TEKT1: variants seen among roughly 807,000 people sequenced by gnomAD.
The protein encoded by TEKT1 is tektin-1.
In TEKT1, 32 loss-of-function variants were observed where a neutral mutation model predicts 34.8. That is an observed-to-expected ratio of 0.92 (90% CI 0.69 to 1.23). The LOEUF (loss-of-function observed/expected upper bound fraction) is 1.23. Among genes scored for constraint, TEKT1 ranks in the 50% most tolerant of loss-of-function variants. The pLI is 0.00. For missense variants in TEKT1, 492 were observed against 518.5 expected (o/e 0.95, Z 0.50); for synonymous variants, 207 against 199.8 (o/e 1.04, Z -0.30).
rs563402694 is a variant in TEKT1 at position 6,800,009 on chromosome 17, T to C, written c.*18A>G. ...TGTTTACAATGTGGTTTAATGAGAA[T>C]TGGAACTAGCCCTACTATTAGCAGA... On this transcript the variant is annotated 3_prime_UTR_variant, in exon 8 of 8. Coordinates refer to ENST00000338694, the MANE Select transcript of TEKT1 (RefSeq NM_053285.2). 5.6e-6 allele frequency: 9 copies of C among 1,595,996 alleles called. No homozygotes were observed. The highest frequency in any genetic ancestry group is 1.3e-5 in the African/African-American group (1 of 74,872).
At chr17:6,821,341 G>T (rs959269089) in intron 2 of TEKT1, among the ~76,000 whole-genome samples, 1 of 152,164 alleles carries the variant, frequency 6.6e-6, no homozygotes, top group Admixed American at 6.5e-5. Context: ...AGATCTGATA[G>T]TTTTATAAGG....
intron 2 of TEKT1, among the ~76,000 whole-genome samples, chr17:6,829,122 G>A (rs923784632): frequency 2.0e-5 from 3 of 152,332 alleles, no homozygotes; most frequent in Non-Finnish European, 4.4e-5. Context: ...CTGTACTCTG[G>A]CCTGTGTGAT....
chr17:6,815,704 C>T (rs1976995659), intron 4 of TEKT1, 130 bp downstream of exon 4: 18 of 1,398,106 alleles, frequency 1.3e-5, no homozygotes, highest in Non-Finnish European at 1.7e-5. Flanking sequence ...CTGGGGCAAT[C>T]TGGGGACACA....
In TEKT1 at chr17:6,820,166, T is replaced by C. The variant is rs8072221; in HGVS notation, c.191-808A>G. Among the ~76,000 whole-genome samples the C allele has an allele frequency of 7.8e-3, 1,181 of 152,290 alleles. 21 individuals carry two copies. Among genetic ancestry groups the C allele is most frequent in the African/African-American group, 0.027 (1,142 of 41,544 alleles). On this transcript the variant is annotated intron_variant, in intron 2 of 7. Transcript: ENST00000338694. ...TTAAACAATAAATAAGTAAACTTAC[T>C]ATTTATTTACATTTTGTAAATATAT...
intron 6 of TEKT1, among the ~76,000 whole-genome samples, chr17:6,809,432 G>A (rs1976896171): frequency 6.6e-6 from 1 of 152,054 alleles, no homozygotes; most frequent in Non-Finnish European, 1.5e-5. Flanking sequence ...GGGTTTCGCT[G>A]TGTTGGCCAA....
At chr17:6,828,502 C>T (rs1486165505) in intron 2 of TEKT1, among the ~76,000 whole-genome samples, 1 of 152,138 alleles carries the variant, frequency 6.6e-6, no homozygotes, top group South Asian at 2.1e-4. Flanking sequence ...GAATAAATTC[C>T]TGCTTTCCAG....
chr17:6,815,439 C>T (rs1976991653), intron 4 of TEKT1, 133 bp from the exon 5 acceptor site: 1 of 1,043,560 alleles, frequency 9.6e-7, no homozygotes, highest in African/African-American at 1.6e-5. Context: ...CCACCCATCA[C>T]CCCAACACTC....
intron 2 of TEKT1, among the ~76,000 whole-genome samples, chr17:6,823,272 G>A (rs62061691): frequency 0.056 from 8,520 of 152,212 alleles, 293 homozygotes; most frequent in South Asian, 0.084. Context: ...CCAGTTTTGA[G>A]CATTACAAGA....
intron 2 of TEKT1, among the ~76,000 whole-genome samples, chr17:6,822,542 TC>T (rs1367179640): frequency 6.6e-6 from 1 of 152,188 alleles, no homozygotes; most frequent in Non-Finnish European, 1.5e-5. Context: ...TGTCCTTTTT[TC>T]CCACTTTCTG....
intron 7 of TEKT1, 56 bp downstream of exon 7, chr17:6,800,691 A>G (rs1008007340): frequency 1.2e-5 from 18 of 1,552,442 alleles, no homozygotes; most frequent in Non-Finnish European, 1.5e-5. Context: ...CCTCTGCTTG[A>G]TATCCAGGTT....
chr17:6,829,273 C>T lies in TEKT1; in HGVS notation c.190+914G>A, dbSNP rs145557134. Among the ~76,000 whole-genome samples, 696 of 152,276 alleles carry T rather than the reference C, an allele frequency of 4.6e-3. 5 individuals carry two copies. Among genetic ancestry groups the T allele is most frequent in the Non-Finnish European group, 8.2e-3 (560 of 68,018 alleles). On this transcript the variant is annotated intron_variant, in intron 2 of 7. Coordinates refer to ENST00000338694, the MANE Select transcript of TEKT1 (RefSeq NM_053285.2). The stretch of plus-strand genomic sequence containing the variant: ...CCAATTTTTCACATCTACTCCGCCC[C>T]GTCTTTGTTCCCCTACCCCAGCACC...
At chr17:6,809,975 A>G (rs1395270419) in intron 6 of TEKT1, among the ~76,000 whole-genome samples, 5 of 152,236 alleles carry the variant, frequency 3.3e-5, no homozygotes, top group Non-Finnish European at 5.9e-5. Context: ...TTGTATGAAC[A>G]TAAGTTTTCA....
At chr17:6,809,962 T>G (rs1976904385) in intron 6 of TEKT1, among the ~76,000 whole-genome samples, 1 of 152,150 alleles carries the variant, frequency 6.6e-6, no homozygotes, top group Admixed American at 6.5e-5. Flanking sequence ...CATACACAGG[T>G]TTTTGTATGA....
chr17:6,803,601 T>C (rs1976806688), intron 6 of TEKT1, among the ~76,000 whole-genome samples: 1 of 152,234 alleles, frequency 6.6e-6, no homozygotes, highest in Non-Finnish European at 1.5e-5. Context: ...AGGTCTAACA[T>C]GTAAGTCTTT....
Position 6,800,845 on chromosome 17 carries a change from CAAGCGCGTATG to C in TEKT1, c.940_950del (p.His314GlyfsTer14). The C allele has an allele frequency of 6.2e-7, 1 of 1,614,126 alleles. No individual in the cohort carries two copies. The highest frequency in any genetic ancestry group is 8.5e-7 in the Non-Finnish European group (1 of 1,180,016). On this transcript the variant is annotated frameshift_variant, in exon 7 of 8. Coordinates refer to ENST00000338694, the MANE Select transcript of TEKT1 (RefSeq NM_053285.2). LOFTEE classifies it high-confidence loss of function. ...CGTTCGGCCGGTGTGTCCTGGTCTC[CAAGCGCGTATG>C]AGCCACCTTGGCTGGCCCTTCTTGG...
chr17:6,819,264 C>T lies in TEKT1; in HGVS notation c.285G>A (p.Lys95=). The T allele has an allele frequency of 6.2e-7, 1 of 1,614,102 alleles. No homozygotes were observed. The highest frequency in any genetic ancestry group is 8.5e-7 in the Non-Finnish European group (1 of 1,180,002). ...VNVTDDLLIY[K]IRLEKALETL... ...TCTCCAGGGCTTTTTCCAATCTGAT[C>T]TTATATATGAGTAGATCATCAGTTA... Residue 95 remains lysine (K), a synonymous_variant, in exon 3 of 8, where the codon AAG becomes AAA. Transcript: ENST00000338694.
At chr17:6,816,030 G>A (rs1329945252) in intron 3 of TEKT1, 68 bp from the exon 4 acceptor site, 18 of 1,593,068 alleles carry the variant, frequency 1.1e-5, no homozygotes, top group Non-Finnish European at 1.5e-5. Context: ...TTGGCTAATG[G>A]CTGCACACTC....
Position 6,829,169 on chromosome 17 carries a change from C to T in TEKT1, c.190+1018G>A, listed in dbSNP as rs140146916. Among the ~76,000 whole-genome samples, 316 of 152,266 alleles carry T rather than the reference C, an allele frequency of 2.1e-3. 5 individuals are homozygous for T. Among genetic ancestry groups the T allele is most frequent in the African/African-American group, 7.3e-3 (303 of 41,558 alleles). The stretch of plus-strand genomic sequence containing the variant: ...CTGTCTCAAGAAATTTAAGTAAATA[C>T]TGTTTTAAGTAAGGAATTGTCAAGA... On this transcript the variant is annotated intron_variant, in intron 2 of 7. Coordinates refer to ENST00000338694, the MANE Select transcript of TEKT1 (RefSeq NM_053285.2).
intron 2 of TEKT1, among the ~76,000 whole-genome samples, chr17:6,820,231 A>G (rs746581670): frequency 3.9e-5 from 6 of 152,132 alleles, no homozygotes; most frequent in Non-Finnish European, 7.3e-5. Context: ...ACACTGTAAT[A>G]AATTTCTTTT....
Sources: allele counts gnomAD v4.1 joint callset (sites outside exome capture counted in the v4.1 genomes callset), GRCh38; gene constraint gnomAD v4.1.1; transcripts MANE v1.5; gene names NCBI Gene and HGNC (gene_info 2026-07-23, HGNC 2026-07-21).